AUTS2: variants seen among roughly 807,000 people sequenced by gnomAD.
AUTS2 encodes the protein autism susceptibility gene 2 protein.
A neutral mutation model predicts 112.4 loss-of-function variants in AUTS2; 17 were observed. That is an observed-to-expected ratio of 0.15 (90% CI 0.10 to 0.23). The LOEUF is 0.23. Ranked by LOEUF, AUTS2 falls within the 10% of genes least tolerant of loss-of-function variation. AUTS2 has a pLI of 1.00. For synonymous variants in AUTS2, 751 were observed against 702.7 expected (o/e 1.07, Z -1.09); for missense variants, 1,510 against 1,701.6 (o/e 0.89, Z 1.98).
intron 1 of AUTS2, among the ~76,000 whole-genome samples, chr7:69,686,232 C>A (rs916406645): frequency 6.6e-6 from 1 of 152,136 alleles, no homozygotes; most frequent in South Asian, 2.1e-4. Flanking sequence ...ATATTTGAAT[C>A]GTGAATATAC....
At chr7:69,722,563 T>C (rs1799015668) in intron 1 of AUTS2, among the ~76,000 whole-genome samples, 1 of 152,114 alleles carries the variant, frequency 6.6e-6, no homozygotes, top group Non-Finnish European at 1.5e-5. Flanking sequence ...CTTGAACTCC[T>C]GGGCTCGAGT....
chr7:70,462,653 G>A (rs1282485830), intron 5 of AUTS2, among the ~76,000 whole-genome samples: 4 of 152,016 alleles, frequency 2.6e-5, no homozygotes, highest in Non-Finnish European at 4.4e-5. Flanking sequence ...ACCACTGGAT[G>A]TTGCCACTAA....
intron 1 of AUTS2, among the ~76,000 whole-genome samples, chr7:69,606,328 G>A (rs1334653669): frequency 6.8e-6 from 1 of 148,062 alleles, no homozygotes; most frequent in African/African-American, 2.5e-5. Flanking sequence ...CACAACAATA[G>A]TTGAGGCTAG....
chr7:70,083,259 G>A (rs561154058), intron 2 of AUTS2, among the ~76,000 whole-genome samples: 28 of 152,158 alleles, frequency 1.8e-4, no homozygotes, highest in African/African-American at 6.5e-4. Context: ...CTTCCGTGCT[G>A]TGTAGGCACC....
chr7:69,926,755 C>G (rs1194080281), intron 2 of AUTS2, among the ~76,000 whole-genome samples: 1 of 144,704 alleles, frequency 6.9e-6, no homozygotes, highest in Non-Finnish European at 1.5e-5. Context: ...TAGGGAAATA[C>G]TATATATACA....
chr7:70,620,244 G>A (rs912195505), intron 5 of AUTS2, among the ~76,000 whole-genome samples: 2 of 152,198 alleles, frequency 1.3e-5, no homozygotes, highest in African/African-American at 4.8e-5. Context: ...GAATTTTGTA[G>A]CTCATAGATT....
intron 1 of AUTS2, among the ~76,000 whole-genome samples, chr7:69,628,311 A>G (rs938809106): frequency 1.3e-5 from 2 of 152,226 alleles, no homozygotes; most frequent in African/African-American, 4.8e-5. Flanking sequence ...TTTAAATTAT[A>G]TCTTAAATTC....
At chr7:70,301,297 T>C (rs1437656164) in intron 4 of AUTS2, among the ~76,000 whole-genome samples, 3 of 152,186 alleles carry the variant, frequency 2.0e-5, no homozygotes, top group Admixed American at 6.5e-5. Context: ...AGGACTGTTG[T>C]TGGTGATTAG....
intron 1 of AUTS2, among the ~76,000 whole-genome samples, chr7:69,849,809 G>A (rs1247580436): frequency 6.6e-6 from 1 of 151,934 alleles, no homozygotes; most frequent in Non-Finnish European, 1.5e-5. Flanking sequence ...TCCATGGTGT[G>A]GACACATCAG....
At chr7:70,322,507 A>C (rs2129617929) in intron 4 of AUTS2, among the ~76,000 whole-genome samples, 1 of 152,290 alleles carries the variant, frequency 6.6e-6, no homozygotes, top group Middle Eastern at 3.4e-3. Context: ...CTTACCTGTT[A>C]GCCTCATGCC....
chr7:70,389,146 G>C (rs1465781668), intron 4 of AUTS2, among the ~76,000 whole-genome samples: 1 of 152,092 alleles, frequency 6.6e-6, no homozygotes, highest in Admixed American at 6.5e-5. Context: ...TCTAAGTTTT[G>C]ATTTCTGTCT....
chr7:69,713,262 T>C (rs1340532058), intron 1 of AUTS2, among the ~76,000 whole-genome samples: 1 of 152,192 alleles, frequency 6.6e-6, no homozygotes, highest in Non-Finnish European at 1.5e-5. Context: ...TGATTTTGAA[T>C]ACTACAATAT....
intron 2 of AUTS2, among the ~76,000 whole-genome samples, chr7:70,032,488 T>C (rs1336751653): frequency 6.6e-6 from 1 of 152,136 alleles, no homozygotes; most frequent in Non-Finnish European, 1.5e-5. Flanking sequence ...ATTAGACTGA[T>C]GAACCTGAAT....
intron 5 of AUTS2, among the ~76,000 whole-genome samples, chr7:70,477,927 A>G (rs1414871930): frequency 1.2e-4 from 4 of 34,046 alleles, no homozygotes; most frequent in Admixed American, 9.3e-4. Flanking sequence ...GATGGTCTAC[A>G]GCTGCTGCCC....
At chr7:70,634,910 G>A (rs1805454710) in intron 5 of AUTS2, among the ~76,000 whole-genome samples, 1 of 152,176 alleles carries the variant, frequency 6.6e-6, no homozygotes, top group Non-Finnish European at 1.5e-5. Context: ...TAGTGTTGGG[G>A]GCTGGGGTTA....
chr7:70,472,830 G>A (rs946180288), intron 5 of AUTS2, among the ~76,000 whole-genome samples: 4 of 152,194 alleles, frequency 2.6e-5, no homozygotes, highest in Non-Finnish European at 4.4e-5. Flanking sequence ...TCAGATCCTT[G>A]TTTCACGTTA....
Position 70,694,140 on chromosome 7 carries a change from C to T in AUTS2, c.691-4429C>T, listed in dbSNP as rs889263441. 2.0e-5 allele frequency: 3 copies of T among 151,358 alleles called. No individual in the cohort carries two copies. The highest frequency in any genetic ancestry group is 7.3e-5 in the African/African-American group (3 of 41,366). 9.4% of individuals were successfully genotyped at this position (151,358 alleles called of 1,614,324 possible). On this transcript the variant is annotated intron_variant, in intron 5 of 18. Transcript: ENST00000342771. The surrounding 1 kb of genome is among the most constrained non-coding windows in gnomAD (Gnocchi z 4.1). ...GCCCCCGCGTAGCCGCCGCCCCCTC[C>T]TGCTACCGTCCAGCCAGGGAGCCCG...
chr7:70,257,391 C>G (rs1786933902), intron 4 of AUTS2, among the ~76,000 whole-genome samples: 1 of 152,172 alleles, frequency 6.6e-6, no homozygotes, highest in Admixed American at 6.5e-5. Flanking sequence ...AATCTCGGCT[C>G]ACTGCAATCT....
At chr7:70,569,836 G>T (rs987724805) in intron 5 of AUTS2, among the ~76,000 whole-genome samples, 4 of 152,050 alleles carry the variant, frequency 2.6e-5, no homozygotes, top group African/African-American at 9.7e-5. Context: ...GTAAACCCCT[G>T]CACTATTTTT....
Sources: allele counts gnomAD v4.1 joint callset (sites outside exome capture counted in the v4.1 genomes callset), GRCh38; gene constraint gnomAD v4.1.1; non-coding constraint Gnocchi (gnomAD v3.1); transcripts MANE v1.5; gene names NCBI Gene and HGNC (gene_info 2026-07-23, HGNC 2026-07-21).